Variants in CACUL1 observed in about 807,000 individuals in gnomAD.
CACUL1 encodes CDK2-associated and cullin domain-containing protein 1.
In CACUL1, 13 loss-of-function variants were observed where a neutral mutation model predicts 45.2. The observed-to-expected ratio is 0.29, with a 90% confidence interval of 0.19 to 0.46. CACUL1 has a LOEUF of 0.46. CACUL1 is among the 20% of genes least tolerant of loss of function. The pLI is 1.00. For synonymous variants in CACUL1, 197 were observed against 174.2 expected (o/e 1.13, Z -1.03); for missense variants, 421 against 471.4 (o/e 0.89, Z 0.99).
Position 118,695,142 on chromosome 10 carries a change from TG to T in CACUL1, c.884del (p.Pro295GlnfsTer173). Reference protein sequence around the residue: ...NIVKGLYTLRPEWVQMAPTLF... With the variant: ...NIVKGLYTLRXEWVQMAPTLF... Reference sequence around the variant, plus strand: ...CCAACAGAAATGAGAAATGTTTACCTGGTCTGAGGGTATACAGGCCTTTCAC... The same window carrying T: ...CCAACAGAAATGAGAAATGTTTACCTGTCTGAGGGTATACAGGCCTTTCAC... On this transcript the variant is annotated frameshift_variant and splice_region_variant, in exon 6 of 9. Coordinates refer to ENST00000369151, the MANE Select transcript of CACUL1 (RefSeq NM_153810.5). LOFTEE classifies it high-confidence loss of function. The T allele has an allele frequency of 1.3e-6, 2 of 1,554,844 alleles. No individual in the cohort carries two copies. The highest frequency in any genetic ancestry group is 1.8e-6 in the Non-Finnish European group (2 of 1,126,202).
chr10:118,703,121 T>A (rs1845399370), intron 4 of CACUL1, among the ~76,000 whole-genome samples: 1 of 152,018 alleles, frequency 6.6e-6, no homozygotes, highest in African/African-American at 2.4e-5. Flanking sequence ...TTTCTCTCTT[T>A]AAAAAAATAT....
At chr10:118,691,230 A>G (rs776053749) in intron 7 of CACUL1, 35 bp downstream of exon 7, 2 of 1,586,750 alleles carry the variant, frequency 1.3e-6, no homozygotes, top group Non-Finnish European at 8.6e-7. Flanking sequence ...GGAAATGGAC[A>G]TATTTGACCA....
At position 118,681,710 on chromosome 10, in the gene CACUL1, C is replaced by A. The variant is rs1321368644; in HGVS notation, c.*4418G>T. 6.6e-6 allele frequency: 1 copy of A among 152,220 alleles called. No individual in the cohort carries two copies. Among genetic ancestry groups the A allele is most frequent in the African/African-American group, 2.4e-5 (1 of 41,418 alleles). The allele number at this position is 152,220 out of a possible 1,614,324, so 9.4% of individuals were successfully genotyped here. On this transcript the variant is annotated 3_prime_UTR_variant, in exon 9 of 9. Transcript: ENST00000369151. Reference sequence around the variant, plus strand: ...TCAAATTAGCATTTCCTTTAATTCTCCCACAGCCACTCCATCAACAGAAGC... The same window carrying A: ...TCAAATTAGCATTTCCTTTAATTCTACCACAGCCACTCCATCAACAGAAGC...
intron 4 of CACUL1, among the ~76,000 whole-genome samples, chr10:118,704,494 G>C (rs1845415015): frequency 6.6e-6 from 1 of 152,182 alleles, no homozygotes; most frequent in Non-Finnish European, 1.5e-5. Context: ...GCCCAAGACA[G>C]TTTAAAGCCT....
intron 3 of CACUL1, among the ~76,000 whole-genome samples, chr10:118,716,489 G>A (rs768231309): frequency 9.2e-5 from 14 of 151,942 alleles, no homozygotes; most frequent in Non-Finnish European, 2.9e-5. Flanking sequence ...CTTGTCACTG[G>A]ATACTTAGGC....
At position 118,691,353 on chromosome 10, in the gene CACUL1, G is replaced by C. The variant is rs1166158220; in HGVS notation, c.937C>G (p.Leu313Val). Residue 313 changes from leucine (L) to valine (V), a missense_variant, in exon 7 of 9, where the codon CTC (leucine) becomes GTC (valine). Around this residue, in one of 2 missense-constraint regions of CACUL1, gnomAD observed 208 missense variants for 298.4 expected, o/e 0.70. Transcript: ENST00000369151. ...AGTTCAGATTCCACCGCCGGAGGGA[G>C]AATGTTTGGAATAAATTTAGAAAAT... is the stretch of plus-strand genomic sequence containing the variant. ...TLFSKFIPNI[L>V]PPAVESELSE... 3 of 1,612,486 alleles carry C rather than the reference G, an allele frequency of 1.9e-6. No homozygotes were observed.
At chr10:118,739,918 A>G (rs1337125097) in intron 1 of CACUL1, among the ~76,000 whole-genome samples, 1 of 152,170 alleles carries the variant, frequency 6.6e-6, no homozygotes, top group Non-Finnish European at 1.5e-5. Flanking sequence ...GCCCAGGCAG[A>G]TGGATCACCT....
chr10:118,724,412 C>T (rs1589613303), intron 3 of CACUL1, among the ~76,000 whole-genome samples: 1 of 152,238 alleles, frequency 6.6e-6, no homozygotes, highest in South Asian at 2.1e-4. Flanking sequence ...GGGTGGTCCA[C>T]ACTATCTAGT....
rs769690027 is a variant in CACUL1 at position 118,729,361 on chromosome 10, T to A, written c.531A>T (p.Glu177Asp). The A allele has an allele frequency of 2.2e-5, 35 of 1,612,506 alleles. No individual in the cohort carries two copies. Among genetic ancestry groups the A allele is most frequent in the Non-Finnish European group, 2.8e-5 (33 of 1,179,870 alleles). The change falls in exon 3 of 9, where the codon GAA (glutamate) becomes GAT (aspartate). Residue 177 changes from glutamate to aspartate, a missense_variant. This residue lies in a region of CACUL1 where 208 missense variants were observed against 298.4 expected (regional missense o/e 0.70). Coordinates refer to ENST00000369151, the MANE Select transcript of CACUL1 (RefSeq NM_153810.5). ...TTTTAATCAGATCACTATACATCTG[T>A]TCCGAGTGCTGCTGGCATACACATT... ...VYKCVCQQHS[E>D]QMYSDLIKKI...
intron 1 of CACUL1, among the ~76,000 whole-genome samples, chr10:118,753,693 T>G (rs1200953131): frequency 2.0e-5 from 3 of 152,344 alleles, no homozygotes; most frequent in Admixed American, 1.3e-4. Context: ...AAGTTCAACA[T>G]GCAACCCAAT....
At chr10:118,719,369 T>C (rs1224480176) in intron 3 of CACUL1, among the ~76,000 whole-genome samples, 2 of 152,196 alleles carry the variant, frequency 1.3e-5, no homozygotes, top group Admixed American at 1.3e-4. Context: ...TGACTGACTA[T>C]AGCAAAAACT....
intron 3 of CACUL1, among the ~76,000 whole-genome samples, chr10:118,708,439 C>T (rs1280342972): frequency 6.6e-6 from 1 of 152,116 alleles, no homozygotes; most frequent in Admixed American, 6.5e-5. Flanking sequence ...CCATATACAC[C>T]TTCAGCTCTG....
chr10:118,712,987 C>A (rs961972081), intron 3 of CACUL1, among the ~76,000 whole-genome samples: 1 of 152,232 alleles, frequency 6.6e-6, no homozygotes, highest in African/African-American at 2.4e-5. Flanking sequence ...CCTCTTCCAC[C>A]CAGGAACCTG....
intron 4 of CACUL1, among the ~76,000 whole-genome samples, chr10:118,701,802 G>T (rs942543856): frequency 2.0e-5 from 3 of 152,100 alleles, no homozygotes; most frequent in African/African-American, 7.2e-5. Flanking sequence ...ACATGCACTC[G>T]TTGACTCCCC....
At chr10:118,686,296 C>T in intron 8 of CACUL1, 128 bp from the exon 9 acceptor site, 6 of 817,208 alleles carry the variant, frequency 7.3e-6, no homozygotes, top group Non-Finnish European at 1.2e-5. Flanking sequence ...AAAAAAAATC[C>T]TCAAAACCAT....
chr10:118,738,285 A>G (rs1564838248), intron 1 of CACUL1, among the ~76,000 whole-genome samples: 1 of 152,172 alleles, frequency 6.6e-6, no homozygotes, highest in Non-Finnish European at 1.5e-5. Flanking sequence ...TTCTGTGGAG[A>G]AACTGAGAGA....
intron 6 of CACUL1, among the ~76,000 whole-genome samples, chr10:118,691,729 C>T (rs998648228): frequency 5.3e-5 from 8 of 151,770 alleles, no homozygotes; most frequent in East Asian, 1.9e-4. Flanking sequence ...TAGCCAGACA[C>T]GGTGGCGGGC....
intron 1 of CACUL1, among the ~76,000 whole-genome samples, chr10:118,743,252 A>G (rs1282500416): frequency 1.3e-5 from 2 of 152,190 alleles, no homozygotes; most frequent in East Asian, 1.9e-4. Flanking sequence ...TACAATAACA[A>G]GTGTTATAAC....
intron 1 of CACUL1, among the ~76,000 whole-genome samples, chr10:118,731,083 A>C: frequency 6.6e-6 from 1 of 152,222 alleles, no homozygotes; most frequent in East Asian, 1.9e-4. Flanking sequence ...TTACTCCCAC[A>C]CTACAGGTTT....
Sources: gnomAD v4.1 joint callset for allele counts (sites outside exome capture counted in the v4.1 genomes callset) on GRCh38, gnomAD v4.1.1 for gene constraint, gnomAD v4.1.1 regional missense constraint, MANE v1.5 for transcripts, NCBI Gene and HGNC (gene_info 2026-07-23, HGNC 2026-07-21) for gene names.